The following MTUS1 variants were observed in gnomAD, a reference collection of about 807,000 sequenced individuals.
MTUS1 encodes microtubule-associated tumor suppressor 1.
MTUS1 carries 109 observed loss-of-function variants against 120.8 expected under a neutral mutation model. That is an observed-to-expected ratio of 0.90 (90% CI 0.77 to 1.06). MTUS1 has a LOEUF of 1.06. MTUS1 is among the 50% of genes least tolerant of loss of function. The pLI, the probability that MTUS1 is intolerant of heterozygous loss-of-function variation, is 0.00. For missense variants in MTUS1, 2,210 were observed against 1,486.3 expected (o/e 1.49, Z -8.01); for synonymous variants, 737 against 550.5 (o/e 1.34, Z -4.74).
At chr8:17,693,564 T>C (rs1817377297) in intron 6 of MTUS1, among the ~76,000 whole-genome samples, 1 of 152,204 alleles carries the variant, frequency 6.6e-6, no homozygotes, top group South Asian at 2.1e-4. Context: ...TTTGTTTCCT[T>C]GAAGGAGCCC....
chr8:17,666,909 C>T (rs192154272), intron 8 of MTUS1, among the ~76,000 whole-genome samples: 13 of 152,276 alleles, frequency 8.5e-5, no homozygotes, highest in African/African-American at 3.1e-4. Flanking sequence ...GACTTCATCC[C>T]CAGCCAACCA....
intron 8 of MTUS1, among the ~76,000 whole-genome samples, chr8:17,670,392 C>G (rs765790612): frequency 6.6e-6 from 1 of 152,198 alleles, no homozygotes; most frequent in Non-Finnish European, 1.5e-5. Context: ...TTGCTATATA[C>G]TATGACACTA....
At position 17,754,453 on chromosome 8, in the gene MTUS1, T is replaced by C. The variant is rs2048437228; in HGVS notation, c.1355A>G (p.Lys452Arg). The change falls in exon 2 of 15, where the codon AAG becomes AGG. Residue 452 changes from lysine to arginine, a missense_variant. Transcript: ENST00000693296. ...VSPIEATEKCKKVEKGNRGLK... is the reference protein window; with the variant it reads ...VSPIEATEKCRKVEKGNRGLK... ...CCCTCGATTACCCTTCTCCACTTTC[T>C]TACATTTCTCCGTCGCTTCAATCGG... 6.2e-7 allele frequency: 1 copy of C among 1,614,216 alleles called. No homozygotes were observed. The highest frequency in any genetic ancestry group is 8.5e-7 in the Non-Finnish European group (1 of 1,180,030).
intron 4 of MTUS1, 117 bp downstream of exon 4, chr8:17,723,555 G>A (rs1585964665): frequency 9.6e-7 from 1 of 1,037,680 alleles, no homozygotes. Context: ...CAAGGAAGCA[G>A]TATGCCTATT....
rs187227913 is a variant in MTUS1 at position 17,685,165 on chromosome 8, G to A, written c.2624-623C>T. On this transcript the variant is annotated intron_variant, in intron 6 of 14. Transcript: ENST00000693296. ...TGACTATACTATTCCATTTTCTATCGAACACAAGCTTTGTTGGTCTTTTTT... is the reference window on the plus strand; with the variant it reads ...TGACTATACTATTCCATTTTCTATCAAACACAAGCTTTGTTGGTCTTTTTT... Among the ~76,000 whole-genome samples the A allele has an allele frequency of 5.9e-4, 89 of 151,810 alleles. 2 individuals carry two copies. The East Asian group carries it at 0.013, about 22-fold the overall frequency.
chr8:17,755,369 T>C lies in MTUS1; in HGVS notation c.439A>G (p.Asn147Asp). The change falls in exon 2 of 15, where the codon AAC becomes GAC. Residue 147 changes from asparagine to aspartate, a missense_variant. Asn to Asp is a conservative substitution (Grantham distance 23, BLOSUM62 1). Transcript: ENST00000693296. ...PFVWKPNDNL[N>D]CAGYCDALEL... ...AAGGCATCACAGTAGCCTGCACAGT[T>C]CAAATTGTCATTAGGCTTCCACACA... is the stretch of plus-strand genomic sequence containing the variant. The C allele has an allele frequency of 1.2e-6, 2 of 1,614,162 alleles. No individual in the cohort carries two copies. Among genetic ancestry groups the C allele is most frequent in the Non-Finnish European group, 1.7e-6 (2 of 1,180,010 alleles).
At chr8:17,768,551 T>C (rs958059080) in intron 1 of MTUS1, among the ~76,000 whole-genome samples, 6 of 151,674 alleles carry the variant, frequency 4.0e-5, no homozygotes, top group African/African-American at 4.8e-5. Flanking sequence ...AAAATTAAAA[T>C]GACCTCAACA....
intron 3 of MTUS1, among the ~76,000 whole-genome samples, chr8:17,725,221 T>G (rs1158694779): frequency 6.6e-6 from 1 of 152,198 alleles, no homozygotes; most frequent in East Asian, 1.9e-4. Flanking sequence ...CATTGTTGCG[T>G]ATCACTAAGG....
At chr8:17,698,440 T>A (rs1315796237) in intron 6 of MTUS1, among the ~76,000 whole-genome samples, 1 of 152,122 alleles carries the variant, frequency 6.6e-6, no homozygotes, top group African/African-American at 2.4e-5. Flanking sequence ...ACAACAACAA[T>A]ATGCCCACTT....
intron 9 of MTUS1, 91 bp from the exon 10 acceptor site, chr8:17,654,757 C>T: frequency 1.2e-6 from 1 of 856,298 alleles, no homozygotes; most frequent in Non-Finnish European, 2.0e-6. Flanking sequence ...GACGTCACAG[C>T]TTCACAGGTA....
At chr8:17,748,729 G>A (rs2047959560) in intron 2 of MTUS1, among the ~76,000 whole-genome samples, 1 of 149,208 alleles carries the variant, frequency 6.7e-6, no homozygotes. Flanking sequence ...GTTGAGCATG[G>A]CGGGCTGAAT....
intron 8 of MTUS1, among the ~76,000 whole-genome samples, chr8:17,660,644 C>T (rs915901048): frequency 6.6e-6 from 1 of 152,146 alleles, no homozygotes; most frequent in African/African-American, 2.4e-5. Flanking sequence ...TCTACATTCC[C>T]ATCAGCAGTA....
At chr8:17,783,510 G>A (rs1208943111) in intron 1 of MTUS1, among the ~76,000 whole-genome samples, 1 of 152,002 alleles carries the variant, frequency 6.6e-6, no homozygotes, top group Non-Finnish European at 1.5e-5. Flanking sequence ...CATGGAGGAG[G>A]AGATGATGTA....
intron 6 of MTUS1, among the ~76,000 whole-genome samples, chr8:17,694,684 AAAC>A (rs2130859780): frequency 6.6e-6 from 1 of 152,164 alleles, no homozygotes; most frequent in South Asian, 2.1e-4. Context: ...AGCAACAAAA[AAAC>A]AACAAAAACC....
In MTUS1 at chr8:17,721,259, A is replaced by G. The variant is rs185050759; in HGVS notation, c.2449+2413T>C. ...AACAGGAAATTTTCAGCGCGAGATG[A>G]TTTTTTCATGTTTTGAGGTAGCCTT... is the stretch of plus-strand genomic sequence containing the variant. On this transcript the variant is annotated intron_variant, in intron 4 of 14. Coordinates refer to ENST00000693296, the MANE Select transcript of MTUS1 (RefSeq NM_001363059.2). 3.3e-5 allele frequency among the ~76,000 whole-genome samples: 5 copies of G among 152,230 alleles called. No homozygotes were observed. In the East Asian group the frequency reaches 7.7e-4, roughly 24 times the overall value.
chr8:17,720,431 A>G (rs901994156), intron 4 of MTUS1, among the ~76,000 whole-genome samples: 3 of 152,076 alleles, frequency 2.0e-5, no homozygotes, highest in African/African-American at 7.2e-5. Flanking sequence ...CCACTCAGCC[A>G]GGGCTGTCAG....
chr8:17,758,402 G>A lies in MTUS1; in HGVS notation c.-154-2441C>T, dbSNP rs180906093. On this transcript the variant is annotated intron_variant, in intron 1 of 14. Transcript: ENST00000693296. ...TTTTGAATCCAAAAATGAAGGCTGC[G>A]TGATTTATATACTGATGGAAAGTGT... 6.0e-3 allele frequency among the ~76,000 whole-genome samples: 920 copies of A among 152,308 alleles called. 15 individuals carry two copies. Among genetic ancestry groups the A allele is most frequent in the African/African-American group, 0.021 (884 of 41,566 alleles).
chr8:17,743,356 T>C (rs1220894527), intron 3 of MTUS1, among the ~76,000 whole-genome samples: 1 of 152,188 alleles, frequency 6.6e-6, no homozygotes, highest in African/African-American at 2.4e-5. Flanking sequence ...ATTGTATATT[T>C]ATGTACACAT....
At chr8:17,779,751 A>C (rs1331056199) in intron 1 of MTUS1, among the ~76,000 whole-genome samples, 3 of 152,204 alleles carry the variant, frequency 2.0e-5, no homozygotes, top group South Asian at 4.1e-4. Flanking sequence ...AATGCCTCTA[A>C]GAGATTCTTC....
Sources: allele counts gnomAD v4.1 joint callset (sites outside exome capture counted in the v4.1 genomes callset), GRCh38; gene constraint gnomAD v4.1.1; transcripts MANE v1.5; gene names NCBI Gene and HGNC (gene_info 2026-07-23, HGNC 2026-07-21).